Variants in PCNX2 observed in about 807,000 individuals in gnomAD.
PCNX2 encodes the protein pecanex-like protein 2.
In PCNX2, 168 loss-of-function variants were observed where a neutral mutation model predicts 223.8. The observed-to-expected ratio is 0.75, with a 90% CI of 0.66 to 0.85. The LOEUF (loss-of-function observed/expected upper bound fraction) is 0.85, where lower values mean the gene tolerates loss of function less well. Among genes scored for constraint, PCNX2 ranks in the 40% least tolerant of loss-of-function variants. The pLI, the probability that PCNX2 is intolerant of heterozygous loss-of-function variation, is 0.00. For missense variants in PCNX2, 2,507 were observed against 2,675.5 expected, an observed-to-expected ratio of 0.94 and a Z score of 1.39; for synonymous variants, 1,006 against 1,052.6, an observed-to-expected ratio of 0.96 and a Z score of 0.86.
At chr1:233,048,698 CAA>C (rs1671900485) in intron 25 of PCNX2, among the ~76,000 whole-genome samples, 1 of 151,988 alleles carries the variant, frequency 6.6e-6, no homozygotes, top group African/African-American at 2.4e-5. Context: ...AAAATCCATA[CAA>C]AGAGTCAACA....
chr1:232,997,460 C>T (rs961374781), intron 32 of PCNX2, among the ~76,000 whole-genome samples: 3 of 152,198 alleles, frequency 2.0e-5, no homozygotes, highest in African/African-American at 7.2e-5. Flanking sequence ...TTAAACGCTT[C>T]TGGATGGTGA....
intron 21 of PCNX2, among the ~76,000 whole-genome samples, chr1:233,120,460 G>C (rs1226191144): frequency 1.3e-5 from 2 of 152,112 alleles, no homozygotes; most frequent in African/African-American, 4.8e-5. Context: ...ATGCTGACAA[G>C]GATGCAGAGA....
rs566072614 is a variant in PCNX2, at chr1:233,171,272, C to T, written c.3273+6530G>A. Among the ~76,000 whole-genome samples the T allele has an allele frequency of 7.9e-5, 12 of 152,100 alleles. No individual in the cohort carries two copies. In the South Asian group the frequency reaches 2.5e-3, roughly 32 times the overall value. ...CTTTTCTTTTTGTTCACTTGCAAATCAGATCTTCCATCCAAGACCACTTTT... is the reference window on the plus strand; with the variant it reads ...CTTTTCTTTTTGTTCACTTGCAAATTAGATCTTCCATCCAAGACCACTTTT... On this transcript the variant is annotated intron_variant, in intron 17 of 33. Transcript: ENST00000258229.
rs1661995073 is a variant in PCNX2, at chr1:233,295,059, G to C, written c.153+267C>G. Among the ~76,000 whole-genome samples, 2 of 152,232 alleles carry C rather than the reference G, an allele frequency of 1.3e-5. No individual in the cohort carries two copies. The highest frequency in any genetic ancestry group is 2.4e-5 in the African/African-American group (1 of 41,522). On this transcript the variant is annotated intron_variant, in intron 1 of 33. Transcript: ENST00000258229. The surrounding 1 kb of genome is among the most constrained non-coding windows in gnomAD (Gnocchi z 4.1). ...GGCTGCACGCTCCCTGCCACAAGCA[G>C]AGTGACTCATCCTAACATCCGGCAT...
chr1:233,084,313 G>T (rs890021109), intron 23 of PCNX2, among the ~76,000 whole-genome samples: 1 of 152,216 alleles, frequency 6.6e-6, no homozygotes, highest in Admixed American at 6.5e-5. Context: ...CAGGTCCAAG[G>T]ATACAGATGC....
chr1:233,029,691 AT>A (rs986554487), intron 25 of PCNX2, among the ~76,000 whole-genome samples: 2 of 151,820 alleles, frequency 1.3e-5, no homozygotes, highest in Admixed American at 6.6e-5. Context: ...TTTGTTTTTG[AT>A]TTTTCTTTAT....
intron 10 of PCNX2, among the ~76,000 whole-genome samples, chr1:233,225,557 C>T: frequency 6.6e-6 from 1 of 152,178 alleles, no homozygotes; most frequent in East Asian, 1.9e-4. Flanking sequence ...TTTAAAAACC[C>T]ATTGTAACTT....
chr1:233,127,883 A>G (rs1676193117), intron 21 of PCNX2, among the ~76,000 whole-genome samples: 1 of 152,222 alleles, frequency 6.6e-6, no homozygotes, highest in African/African-American at 2.4e-5. Flanking sequence ...GGCACCCAGT[A>G]AGTGCTCAAT....
chr1:233,199,142 G>A, intron 14 of PCNX2, 112 bp from the exon 15 acceptor site: 2 of 938,248 alleles, frequency 2.1e-6, no homozygotes, highest in Non-Finnish European at 3.2e-6. Flanking sequence ...CTGCTGAAGG[G>A]GTAAATAATA....
intron 15 of PCNX2, among the ~76,000 whole-genome samples, chr1:233,193,838 G>C (rs1224896828): frequency 6.6e-6 from 1 of 151,988 alleles, no homozygotes; most frequent in Non-Finnish European, 1.5e-5. Flanking sequence ...TTCAAGATAG[G>C]TCAGTAAAAT....
chr1:233,292,352 C>T (rs529885863), intron 1 of PCNX2, among the ~76,000 whole-genome samples: 2 of 151,932 alleles, frequency 1.3e-5, no homozygotes, highest in East Asian at 3.9e-4. Flanking sequence ...GGATTGCAGG[C>T]ATGCACCACC....
the PCNX2 span, among the ~76,000 whole-genome samples, chr1:233,303,297 T>C: frequency 3.9e-5 from 6 of 152,302 alleles, no homozygotes; most frequent in African/African-American, 1.4e-4. Context: ...GCAGATTGTT[T>C]GAGCTCAGGA....
At chr1:233,244,015 G>C (rs1269001056) in intron 8 of PCNX2, among the ~76,000 whole-genome samples, 1 of 152,002 alleles carries the variant, frequency 6.6e-6, no homozygotes, top group African/African-American at 2.4e-5. Flanking sequence ...ATTTTTAGTA[G>C]AGACGGGGTT....
At chr1:233,323,238 G>A in the PCNX2 span, among the ~76,000 whole-genome samples, 1 of 152,200 alleles carries the variant, frequency 6.6e-6, no homozygotes. Context: ...ATATTAATGT[G>A]TTTGATTATA....
At chr1:233,256,270 G>T (rs1282928664) in intron 5 of PCNX2, among the ~76,000 whole-genome samples, 2 of 152,046 alleles carry the variant, frequency 1.3e-5, no homozygotes, top group Non-Finnish European at 2.9e-5. Context: ...GACTAAAATT[G>T]ATCAAATAGC....
chr1:233,194,638 T>G (rs1680616476), intron 15 of PCNX2, among the ~76,000 whole-genome samples: 1 of 152,164 alleles, frequency 6.6e-6, no homozygotes, highest in Non-Finnish European at 1.5e-5. Context: ...TTATGTGAGC[T>G]CTTTTATAAT....
At position 233,057,250 on chromosome 1, in the gene PCNX2, G is replaced by T. The variant is rs1194372508; in HGVS notation, c.4117C>A (p.Gln1373Lys). 6.2e-6 allele frequency: 10 copies of T among 1,608,492 alleles called. No individual in the cohort carries two copies. The highest frequency in any genetic ancestry group is 4.0e-5 in the African/African-American group (3 of 74,710). The stretch of plus-strand genomic sequence containing the variant: ...TTCTTACCTGGATCTCTTTCAATTT[G>T]GACTGCCAGTCTTGTGTTGGAATTA... ...VDNSNTRLAV[Q>K]IERDPGNDDN... Residue 1373 changes from glutamine to lysine, a missense_variant, in exon 24 of 34, where the codon CAA becomes AAA. Around this residue, in one of 3 missense-constraint regions of PCNX2, gnomAD observed 1,372 missense variants for 1,509.4 expected, o/e 0.91. Coordinates refer to ENST00000258229, the MANE Select transcript of PCNX2 (RefSeq NM_014801.4).
At chr1:233,128,436 G>A (rs1676229922) in intron 21 of PCNX2, among the ~76,000 whole-genome samples, 1 of 152,102 alleles carries the variant, frequency 6.6e-6, no homozygotes, top group Non-Finnish European at 1.5e-5. Flanking sequence ...TGGGGTGCAA[G>A]CAATTCTCCT....
chr1:233,234,320 G>T (rs1232917048), intron 9 of PCNX2, among the ~76,000 whole-genome samples: 1 of 152,138 alleles, frequency 6.6e-6, no homozygotes, highest in Admixed American at 6.5e-5. Context: ...ATGAGACTTT[G>T]TAAATATTTT....
Sources: allele counts gnomAD v4.1 joint callset (sites outside exome capture counted in the v4.1 genomes callset), GRCh38; gene constraint gnomAD v4.1.1; regional missense constraint gnomAD v4.1.1; non-coding constraint Gnocchi (gnomAD v3.1); transcripts MANE v1.5; gene names NCBI Gene and HGNC (gene_info 2026-07-23, HGNC 2026-07-21).